The following DLG2 variants were observed in gnomAD, a reference collection of about 807,000 sequenced individuals.
DLG2 encodes disks large homolog 2.
DLG2 carries 45 observed loss-of-function variants against 132.5 expected under a neutral mutation model. That is an observed-to-expected ratio of 0.34 (90% CI 0.27 to 0.44). DLG2 has a LOEUF of 0.44. Among genes scored for constraint, DLG2 ranks in the 20% least tolerant of loss-of-function variants. DLG2 has a pLI of 1.00. For synonymous variants in DLG2, 424 were observed against 419.6 expected, an observed-to-expected ratio of 1.01 and a Z score of -0.13; for missense variants, 1,045 against 1,196.9, an observed-to-expected ratio of 0.87 and a Z score of 1.87.
intron 3 of DLG2, among the ~76,000 whole-genome samples, chr11:85,551,702 A>G (rs1168861741): frequency 6.6e-6 from 1 of 152,078 alleles, no homozygotes; most frequent in Non-Finnish European, 1.5e-5. Context: ...AAATTTAATT[A>G]TTTTCTGAAT....
chr11:83,950,566 C>G (rs899619544), intron 14 of DLG2, among the ~76,000 whole-genome samples: 2 of 152,208 alleles, frequency 1.3e-5, no homozygotes, highest in Non-Finnish European at 2.9e-5. Flanking sequence ...GCACTCCAGC[C>G]TGGGCAAGAA....
At chr11:83,560,774 A>G (rs1033604274) in intron 19 of DLG2, among the ~76,000 whole-genome samples, 1 of 152,152 alleles carries the variant, frequency 6.6e-6, no homozygotes, top group Non-Finnish European at 1.5e-5. Flanking sequence ...GGGGGAAAAA[A>G]CTATTTCCCA....
At chr11:84,688,067 T>A (rs915038602) in intron 6 of DLG2, among the ~76,000 whole-genome samples, 2 of 152,168 alleles carry the variant, frequency 1.3e-5, no homozygotes, top group African/African-American at 4.8e-5. Flanking sequence ...AAAACTCAGA[T>A]GTGGTCCTCA....
Position 83,513,470 on chromosome 11 carries a change from C to T in DLG2, c.2193+19238G>A, listed in dbSNP as rs557235089. Among the ~76,000 whole-genome samples, 12 of 152,268 alleles carry T rather than the reference C, an allele frequency of 7.9e-5. No individual in the cohort carries two copies. The South Asian group carries it at 2.1e-3, about 26-fold the overall frequency. On this transcript the variant is annotated intron_variant, in intron 21 of 27. Coordinates refer to ENST00000376104, the MANE Select transcript of DLG2 (RefSeq NM_001142699.3). ...TAGATTGCAAATATTTTCTCCCATT[C>T]TGTAGGTTGCCTGTTCACTCTGATG...
At chr11:84,915,665 A>C (rs2092406486) in intron 6 of DLG2, among the ~76,000 whole-genome samples, 2 of 152,212 alleles carry the variant, frequency 1.3e-5, no homozygotes, top group African/African-American at 4.8e-5. Context: ...TAGAGAGGAA[A>C]TTAATTAGAG....
At chr11:84,177,349 T>C (rs1596694831) in intron 8 of DLG2, among the ~76,000 whole-genome samples, 1 of 152,162 alleles carries the variant, frequency 6.6e-6, no homozygotes. Flanking sequence ...CATGCACATA[T>C]ATACACAGGC....
intron 7 of DLG2, among the ~76,000 whole-genome samples, chr11:84,466,693 T>C (rs887914322): frequency 6.6e-6 from 1 of 151,356 alleles, no homozygotes; most frequent in Non-Finnish European, 1.5e-5. Flanking sequence ...AGTATTAGAA[T>C]ACCTATGAGA....
chr11:85,445,989 A>T (rs1467414169), intron 3 of DLG2, among the ~76,000 whole-genome samples: 4 of 152,322 alleles, frequency 2.6e-5, no homozygotes. Context: ...CCAAAGCCAC[A>T]AATATGTCTG....
intron 18 of DLG2, among the ~76,000 whole-genome samples, chr11:83,701,113 C>A (rs1227559319): frequency 2.6e-5 from 4 of 152,030 alleles, no homozygotes; most frequent in Admixed American, 6.6e-5. Flanking sequence ...AGGCAGGAGT[C>A]CGGGAGATGG....
At chr11:85,350,067 G>A (rs1200589066) in intron 3 of DLG2, among the ~76,000 whole-genome samples, 1 of 152,182 alleles carries the variant, frequency 6.6e-6, no homozygotes, top group Non-Finnish European at 1.5e-5. Flanking sequence ...ATCCTGTCCA[G>A]CATCTGTTGT....
chr11:84,998,214 G>GT (rs1276996459), intron 6 of DLG2, among the ~76,000 whole-genome samples: 1 of 151,996 alleles, frequency 6.6e-6, no homozygotes, highest in Non-Finnish European at 1.5e-5. Context: ...ATCTCACCTT[G>GT]AATTGTAATC....
intron 15 of DLG2, among the ~76,000 whole-genome samples, chr11:83,904,142 G>A (rs995580778): frequency 6.6e-6 from 1 of 152,106 alleles, no homozygotes; most frequent in Non-Finnish European, 1.5e-5. Flanking sequence ...GTGACTAAAG[G>A]GTGGGTAGTG....
At chr11:84,203,948 G>A (rs1455437335) in intron 8 of DLG2, among the ~76,000 whole-genome samples, 1 of 152,024 alleles carries the variant, frequency 6.6e-6, no homozygotes, top group Non-Finnish European at 1.5e-5. Context: ...AAAAGTCGGG[G>A]AAAAATATTT....
chr11:85,017,286 T>G (rs1038070272), intron 6 of DLG2, among the ~76,000 whole-genome samples: 31 of 152,168 alleles, frequency 2.0e-4, no homozygotes, highest in Non-Finnish European at 1.3e-4. Flanking sequence ...TCTCTCCAGT[T>G]GTATACCAAT....
intron 3 of DLG2, among the ~76,000 whole-genome samples, chr11:85,525,805 A>G (rs2074697216): frequency 6.6e-6 from 1 of 152,196 alleles, no homozygotes; most frequent in Non-Finnish European, 1.5e-5. Context: ...CTCTGAGAAG[A>G]TGAAGCTGGG....
At chr11:84,466,412 T>G (rs1335366388) in intron 7 of DLG2, among the ~76,000 whole-genome samples, 1 of 151,298 alleles carries the variant, frequency 6.6e-6, no homozygotes, top group Admixed American at 6.6e-5. Context: ...TCTGATCACT[T>G]TAATATAGAA....
chr11:84,213,670 T>C (rs1175690194), intron 8 of DLG2, among the ~76,000 whole-genome samples: 1 of 151,448 alleles, frequency 6.6e-6, no homozygotes, highest in Admixed American at 6.6e-5. Flanking sequence ...ATAGAAAAAA[T>C]TAGACTGGCG....
intron 2 of DLG2, among the ~76,000 whole-genome samples, chr11:85,611,835 G>T (rs1197888556): frequency 1.3e-5 from 2 of 152,186 alleles, no homozygotes; most frequent in Non-Finnish European, 2.9e-5. Context: ...GGGGGTGGCA[G>T]TCTTACACTG....
intron 3 of DLG2, among the ~76,000 whole-genome samples, chr11:85,377,872 TACAC>T (rs996693453): frequency 4.0e-5 from 6 of 149,236 alleles, no homozygotes; most frequent in African/African-American, 1.5e-4. Flanking sequence ...TACATATATA[TACAC>T]ACACACACAA....
Sources: gnomAD v4.1 joint callset for allele counts (sites outside exome capture counted in the v4.1 genomes callset) on GRCh38, gnomAD v4.1.1 for gene constraint, MANE v1.5 for transcripts, NCBI Gene and HGNC (gene_info 2026-07-23, HGNC 2026-07-21) for gene names.